The following WWOX variants were observed in gnomAD, a reference collection of about 807,000 sequenced individuals.
WWOX encodes the protein WW domain-containing oxidoreductase.
A neutral mutation model predicts 46.2 loss-of-function variants in WWOX; 69 were observed. The ratio of observed to expected loss-of-function variants is 1.49; its 90% CI spans 1.23 to 1.82. The LOEUF is 1.82. WWOX is among the 40% of genes most tolerant of loss of function. The pLI, the probability that WWOX is intolerant of heterozygous loss-of-function variation, is 0.00. For synonymous variants in WWOX, 359 were observed against 202.6 expected, an observed-to-expected ratio of 1.77 and a Z score of -6.56; for missense variants, 919 against 542.6, an observed-to-expected ratio of 1.69 and a Z score of -6.89.
At chr16:78,263,111 G>A (rs915907447) in intron 5 of WWOX, among the ~76,000 whole-genome samples, 3 of 152,118 alleles carry the variant, frequency 2.0e-5, no homozygotes, top group African/African-American at 7.2e-5. Context: ...AACATGGTGC[G>A]TGCCTGTAAT....
intron 8 of WWOX, among the ~76,000 whole-genome samples, chr16:79,173,991 T>C (rs1015261911): frequency 3.3e-5 from 5 of 152,182 alleles, no homozygotes; most frequent in African/African-American, 9.7e-5. Flanking sequence ...CCTAGTGAAA[T>C]CTGTGGCAGC....
intron 8 of WWOX, among the ~76,000 whole-genome samples, chr16:79,007,159 C>A (rs930151431): frequency 6.6e-6 from 1 of 152,046 alleles, no homozygotes; most frequent in African/African-American, 2.4e-5. Context: ...AACTTATGTT[C>A]CAGTGAGGGT....
chr16:78,180,409 A>C (rs1215943470), intron 5 of WWOX, among the ~76,000 whole-genome samples: 1 of 151,858 alleles, frequency 6.6e-6, no homozygotes, highest in Non-Finnish European at 1.5e-5. Flanking sequence ...CTACTGGGTA[A>C]ATCCAGCTGC....
intron 8 of WWOX, among the ~76,000 whole-genome samples, chr16:78,539,530 G>T (rs1480924187): frequency 2.0e-5 from 3 of 152,206 alleles, no homozygotes; most frequent in African/African-American, 7.2e-5. Flanking sequence ...GTTAATTCTT[G>T]TTGACAGAAG....
intron 8 of WWOX, among the ~76,000 whole-genome samples, chr16:78,952,239 A>C (rs145716868): frequency 1.4e-3 from 214 of 152,074 alleles, no homozygotes; most frequent in Non-Finnish European, 2.5e-3. Context: ...CTCAGTCTTT[A>C]TATTTCAACT....
At chr16:79,115,356 CTT>C (rs938071652) in intron 8 of WWOX, among the ~76,000 whole-genome samples, 3 of 152,110 alleles carry the variant, frequency 2.0e-5, no homozygotes, top group Non-Finnish European at 4.4e-5. Context: ...AACATCAGGA[CTT>C]ATATGGTGCA....
At chr16:78,852,972 T>C (rs2052483100) in intron 8 of WWOX, among the ~76,000 whole-genome samples, 1 of 152,186 alleles carries the variant, frequency 6.6e-6, no homozygotes, top group African/African-American at 2.4e-5. Context: ...AACTGCAATT[T>C]ATATCTTGCC....
intron 8 of WWOX, among the ~76,000 whole-genome samples, chr16:78,714,030 G>C (rs1394451747): frequency 6.6e-6 from 1 of 152,164 alleles, no homozygotes; most frequent in Non-Finnish European, 1.5e-5. Flanking sequence ...GGGAAGGTAA[G>C]GGAACTGGGG....
At chr16:78,348,157 A>T (rs34230267) in intron 5 of WWOX, among the ~76,000 whole-genome samples, 2 of 121,564 alleles carry the variant, frequency 1.6e-5, no homozygotes, top group African/African-American at 5.6e-5. Flanking sequence ...GTCTAGAGTC[A>T]ACATGAAAAT....
chr16:78,257,528 C>G lies in WWOX; in HGVS notation c.516+93239C>G, dbSNP rs532739243. On this transcript the variant is annotated intron_variant, in intron 5 of 8. Coordinates refer to ENST00000566780, the MANE Select transcript of WWOX (RefSeq NM_016373.4). ...AATATAAATCACCAGCAAAATCTCA[C>G]TCCTACAAGGAGAACCTGCAGGGAG... Among the ~76,000 whole-genome samples, 26 of 152,268 alleles carry G rather than the reference C, an allele frequency of 1.7e-4. No homozygotes were observed. The East Asian group carries it at 4.8e-3, about 28-fold the overall frequency.
intron 8 of WWOX, among the ~76,000 whole-genome samples, chr16:79,026,698 A>G (rs1306707796): frequency 7.1e-6 from 1 of 141,594 alleles, no homozygotes; most frequent in Non-Finnish European, 1.5e-5. Context: ...GCTCACTGCA[A>G]CCTCCGCCTC....
intron 4 of WWOX, among the ~76,000 whole-genome samples, chr16:78,147,707 AAG>A (rs1447950494): frequency 1.4e-5 from 2 of 142,000 alleles, no homozygotes; most frequent in South Asian, 4.5e-4. Context: ...AAAAAAAAAA[AAG>A]GTGCTTGAAT....
intron 8 of WWOX, among the ~76,000 whole-genome samples, chr16:78,760,302 C>G (rs2049760274): frequency 6.6e-6 from 1 of 152,196 alleles, no homozygotes; most frequent in African/African-American, 2.4e-5. Context: ...TATCTCCCAC[C>G]AGGGTCCCTC....
chr16:78,610,428 C>A (rs556578281), intron 8 of WWOX, among the ~76,000 whole-genome samples: 5 of 152,152 alleles, frequency 3.3e-5, no homozygotes, highest in Admixed American at 6.6e-5. Flanking sequence ...AAGAACAAAT[C>A]TGTCTTTGAA....
At chr16:78,870,309 CT>C (rs1290479350) in intron 8 of WWOX, among the ~76,000 whole-genome samples, 1 of 152,126 alleles carries the variant, frequency 6.6e-6, no homozygotes, top group African/African-American at 2.4e-5. Context: ...CACATTACTT[CT>C]TTTCATTCTA....
At chr16:78,581,790 A>G (rs529833542) in intron 8 of WWOX, among the ~76,000 whole-genome samples, 12 of 152,302 alleles carry the variant, frequency 7.9e-5, no homozygotes, top group Admixed American at 1.3e-4. Context: ...ACTTAATACA[A>G]AAGTTTTCCC....
intron 8 of WWOX, among the ~76,000 whole-genome samples, chr16:79,136,482 G>T (rs904471922): frequency 6.6e-6 from 1 of 152,280 alleles, no homozygotes; most frequent in East Asian, 1.9e-4. Flanking sequence ...ACCCGCCTCG[G>T]CCTCCCAAAG....
chr16:78,221,287 C>T (rs148521996), intron 5 of WWOX, among the ~76,000 whole-genome samples: 35 of 152,144 alleles, frequency 2.3e-4, no homozygotes, highest in Admixed American at 1.6e-3. Context: ...GTAAACTGTT[C>T]GTTGTATGGA....
intron 8 of WWOX, among the ~76,000 whole-genome samples, chr16:78,687,041 G>T (rs1247077414): frequency 1.3e-5 from 2 of 152,094 alleles, no homozygotes; most frequent in Non-Finnish European, 1.5e-5. Flanking sequence ...CAAGAGAGTA[G>T]GGATCATTAA....
Sources: gnomAD v4.1 joint callset for allele counts (sites outside exome capture counted in the v4.1 genomes callset) on GRCh38, gnomAD v4.1.1 for gene constraint, MANE v1.5 for transcripts, NCBI Gene and HGNC (gene_info 2026-07-23, HGNC 2026-07-21) for gene names.